Variants in RAB7A observed in about 807,000 individuals in gnomAD.
The protein encoded by RAB7A is ras-related protein Rab-7a.
A neutral mutation model predicts 24.5 loss-of-function variants in RAB7A; 2 were observed. That is an observed-to-expected ratio of 0.08 (90% CI 0.03 to 0.26). The LOEUF (loss-of-function observed/expected upper bound fraction) is 0.26, where lower values mean the gene tolerates loss of function less well. Ranked by LOEUF, RAB7A falls within the 10% of genes least tolerant of loss-of-function variation. RAB7A has a pLI of 1.00. For missense variants in RAB7A, 118 were observed against 255.7 expected (o/e 0.46, Z 3.67); for synonymous variants, 100 against 95.9 (o/e 1.04, Z -0.25).
At chr3:128,782,627 A>G (rs541354916) in intron 1 of RAB7A, among the ~76,000 whole-genome samples, 1 of 130,056 alleles carries the variant, frequency 7.7e-6, no homozygotes, top group Admixed American at 9.4e-5. Context: ...AGTAGGCTCT[A>G]GTAGGATGCA....
chr3:128,753,370 G>C (rs1487580892), intron 1 of RAB7A, among the ~76,000 whole-genome samples: 2 of 147,892 alleles, frequency 1.4e-5, no homozygotes, highest in East Asian at 3.9e-4. Context: ...ATGAAGGGGG[G>C]GGAAAAAGAA....
At position 128,809,936 on chromosome 3, in the gene RAB7A, C is replaced by CTTTTTTTTTTTTTTTTTTTTTTT. The variant is rs869119619; in HGVS notation, c.528+2273_528+2295dup. 1.8e-3 allele frequency among the ~76,000 whole-genome samples: 93 copies of CTTTTTTTTTTTTTTTTTTTTTTT among 52,252 alleles called. 24 individuals are homozygous for CTTTTTTTTTTTTTTTTTTTTTTT. The highest frequency in any genetic ancestry group is 0.014 in the Middle Eastern group (1 of 72). The allele number at this position is 52,252 out of a possible 152,430, so 34.3% of individuals were successfully genotyped here. ...GAGGCAAGTTTCCTCTTGCCACAGT[C>CTTTTTTTTTTTTTTTTTTTTTTT]TTTTTTTTTTTTTTTTTTTTTTTTT... On this transcript the variant is annotated intron_variant, in intron 5 of 5. Transcript: ENST00000265062.
At chr3:128,811,999 T>C (rs1933937196) in intron 5 of RAB7A, among the ~76,000 whole-genome samples, 1 of 152,070 alleles carries the variant, frequency 6.6e-6, no homozygotes, top group Admixed American at 6.6e-5. Flanking sequence ...CAGGATGGTA[T>C]AGAATGGGGG....
chr3:128,745,366 C>CT (rs1002571011), intron 1 of RAB7A, among the ~76,000 whole-genome samples: 42 of 151,132 alleles, frequency 2.8e-4, no homozygotes, highest in African/African-American at 9.0e-4. Context: ...TAAGAATCAT[C>CT]TTTTTTTTTG....
chr3:128,771,884 G>A (rs1480394004), intron 1 of RAB7A, among the ~76,000 whole-genome samples: 1 of 152,134 alleles, frequency 6.6e-6, no homozygotes, highest in Non-Finnish European at 1.5e-5. Flanking sequence ...CCATTTTGTA[G>A]ACTGTGAGGA....
chr3:128,766,454 T>C (rs981446859), intron 1 of RAB7A, among the ~76,000 whole-genome samples: 1 of 152,214 alleles, frequency 6.6e-6, no homozygotes, highest in African/African-American at 2.4e-5. Context: ...CTAAATTTAT[T>C]GTATGGTTCT....
chr3:128,747,692 G>A (rs572129792), intron 1 of RAB7A, among the ~76,000 whole-genome samples: 22 of 151,852 alleles, frequency 1.4e-4, no homozygotes, highest in African/African-American at 5.3e-4. Context: ...GTCCATTGGT[G>A]CCACTTTATT....
chr3:128,800,016 C>G (rs1339904117), intron 3 of RAB7A, among the ~76,000 whole-genome samples: 1 of 151,956 alleles, frequency 6.6e-6, no homozygotes, highest in Non-Finnish European at 1.5e-5. Context: ...ATATGGAAAA[C>G]TTAGAACTTC....
At chr3:128,736,203 G>A (rs1166903533) in intron 1 of RAB7A, among the ~76,000 whole-genome samples, 1 of 151,418 alleles carries the variant, frequency 6.6e-6, no homozygotes, top group Non-Finnish European at 1.5e-5. Flanking sequence ...GTCATGCTCA[G>A]TATCTTGGAG....
chr3:128,755,671 G>A (rs2070723695), intron 1 of RAB7A, among the ~76,000 whole-genome samples: 1 of 152,126 alleles, frequency 6.6e-6, no homozygotes, highest in Non-Finnish European at 1.5e-5. Flanking sequence ...CACCTTGGAC[G>A]ATGCCATCTC....
chr3:128,746,560 G>A (rs899662390), intron 1 of RAB7A, among the ~76,000 whole-genome samples: 13 of 150,430 alleles, frequency 8.6e-5, no homozygotes, highest in East Asian at 1.9e-4. Context: ...ATGGAGTCTC[G>A]CTCTGTCTCC....
At chr3:128,795,751 C>CTTGTTTTTTTTTTTT in intron 2 of RAB7A, among the ~76,000 whole-genome samples, 1 of 43,036 alleles carries the variant, frequency 2.3e-5, no homozygotes. Flanking sequence ...AGCAGATGTG[C>CTTGTTTTTTTTTTTT]TTTTTTTTTT....
chr3:128,796,569 G>A (rs1174026240), intron 2 of RAB7A, among the ~76,000 whole-genome samples: 1 of 152,188 alleles, frequency 6.6e-6, no homozygotes, highest in Non-Finnish European at 1.5e-5. Flanking sequence ...AGCAAATGCA[G>A]GTATGCTTCT....
At chr3:128,743,308 C>T (rs2070575245) in intron 1 of RAB7A, among the ~76,000 whole-genome samples, 1 of 152,244 alleles carries the variant, frequency 6.6e-6, no homozygotes, top group African/African-American at 2.4e-5. Flanking sequence ...GCCTCTCCCT[C>T]CACAACTCCC....
At chr3:128,746,929 A>G (rs1215600749) in intron 1 of RAB7A, among the ~76,000 whole-genome samples, 1 of 151,824 alleles carries the variant, frequency 6.6e-6, no homozygotes, top group East Asian at 1.9e-4. Flanking sequence ...TAATCATTCC[A>G]TATTGTATAC....
chr3:128,753,170 T>G (rs1379259275), intron 1 of RAB7A, among the ~76,000 whole-genome samples: 1 of 152,176 alleles, frequency 6.6e-6, no homozygotes, highest in Non-Finnish European at 1.5e-5. Flanking sequence ...CTGTCAGTTA[T>G]GAATTCTAGA....
intron 1 of RAB7A, among the ~76,000 whole-genome samples, chr3:128,761,394 A>G (rs74545721): frequency 0.049 from 7,394 of 152,278 alleles, 324 homozygotes; most frequent in South Asian, 0.13. Context: ...CGGAGGAAGA[A>G]GTCTTGACTA....
At chr3:128,758,392 A>C (rs1576280291) in intron 1 of RAB7A, among the ~76,000 whole-genome samples, 1 of 147,436 alleles carries the variant, frequency 6.8e-6, no homozygotes. Flanking sequence ...CCAGCGTCAG[A>C]CTCCCGAGTA....
intron 5 of RAB7A, 59 bp downstream of exon 5, chr3:128,807,730 C>G (rs1353764840): frequency 6.2e-7 from 1 of 1,611,082 alleles, no homozygotes; most frequent in Non-Finnish European, 8.5e-7. Context: ...GACCCAGTCC[C>G]TGCCTGGCCT....
Sources: gnomAD v4.1 joint callset for allele counts (sites outside exome capture counted in the v4.1 genomes callset) on GRCh38, gnomAD v4.1.1 for gene constraint, MANE v1.5 for transcripts, NCBI Gene and HGNC (gene_info 2026-07-23, HGNC 2026-07-21) for gene names.